The following MTREX variants were observed in gnomAD, a reference collection of about 807,000 sequenced individuals.
The protein encoded by MTREX is Mtr4 exosome RNA helicase, also known as exosome RNA helicase MTR4.
Under a neutral mutation model 135.4 loss-of-function variants are expected in MTREX, and 76 were observed. The observed-to-expected ratio is 0.56, with a 90% confidence interval of 0.47 to 0.68. The LOEUF (loss-of-function observed/expected upper bound fraction) is 0.68, where lower values mean the gene tolerates loss of function less well. Among genes scored for constraint, MTREX ranks in the 30% least tolerant of loss-of-function variants. The pLI is 0.00. For synonymous variants in MTREX, 404 were observed against 401.6 expected, an observed-to-expected ratio of 1.01 and a Z score of -0.07; for missense variants, 920 against 1,262.1, an observed-to-expected ratio of 0.73 and a Z score of 4.11.
At chr5:55,312,711 C>T (rs1021156784) in intron 1 of MTREX, among the ~76,000 whole-genome samples, 1 of 152,058 alleles carries the variant, frequency 6.6e-6, no homozygotes, top group Non-Finnish European at 1.5e-5. Context: ...TTGTTTATAC[C>T]TCCATCTGTT....
chr5:55,333,781 T>C (rs141965845), intron 5 of MTREX, among the ~76,000 whole-genome samples: 1 of 152,262 alleles, frequency 6.6e-6, no homozygotes, highest in Non-Finnish European at 1.5e-5. Context: ...TAGAATGTTA[T>C]AATGTAGAAT....
At chr5:55,351,832 A>T (rs990243548) in intron 13 of MTREX, among the ~76,000 whole-genome samples, 1 of 151,216 alleles carries the variant, frequency 6.6e-6, no homozygotes, top group Admixed American at 6.6e-5. Context: ...AAGTCTATAT[A>T]TGACTCATAC....
chr5:55,353,807 G>A lies in MTREX; in HGVS notation c.1533+538G>A, dbSNP rs1197662942. 2.6e-5 allele frequency among the ~76,000 whole-genome samples: 4 copies of A among 152,290 alleles called. No homozygotes were observed. In the South Asian group the frequency reaches 6.2e-4, roughly 24 times the overall value. Reference sequence around the variant, plus strand: ...AAAAAAAGAGATTCCTTTAAGTGAAGGAGTTTGATGATAGGAGGTTAAGTG... The same window carrying A: ...AAAAAAAGAGATTCCTTTAAGTGAAAGAGTTTGATGATAGGAGGTTAAGTG... On this transcript the variant is annotated intron_variant, in intron 14 of 26. Coordinates refer to ENST00000230640, the MANE Select transcript of MTREX (RefSeq NM_015360.5).
rs138080737 is a variant in MTREX at position 55,401,673 on chromosome 5, C to T, written c.2481+1252C>T. ...CATGTGTTATTGTCTGTGGTTTTTG[C>T]TGTAGCCATCTTAATAGCGTCAAAT... On this transcript the variant is annotated intron_variant, in intron 21 of 26. Coordinates refer to ENST00000230640, the MANE Select transcript of MTREX (RefSeq NM_015360.5). Among the ~76,000 whole-genome samples, 72 of 152,310 alleles carry T rather than the reference C, an allele frequency of 4.7e-4. No individual in the cohort carries two copies. In the East Asian group the frequency reaches 0.011, roughly 23 times the overall value.
chr5:55,401,927 C>G (rs1350338374), intron 21 of MTREX, among the ~76,000 whole-genome samples: 1 of 152,092 alleles, frequency 6.6e-6, no homozygotes, highest in Admixed American at 6.5e-5. Context: ...TCACATACCA[C>G]TTTTATCAAT....
intron 22 of MTREX, among the ~76,000 whole-genome samples, chr5:55,407,544 A>G (rs964593081): frequency 6.6e-5 from 10 of 152,190 alleles, no homozygotes; most frequent in African/African-American, 2.4e-4. Context: ...TAACAATATT[A>G]TATCAAAGTT....
Position 55,369,053 on chromosome 5 carries a change from G to C in MTREX, c.1810+2178G>C, listed in dbSNP as rs556870140. Among the ~76,000 whole-genome samples, 148 of 151,888 alleles carry C rather than the reference G, an allele frequency of 9.7e-4. 1 individual carries two copies. The highest frequency in any genetic ancestry group is 3.3e-3 in the African/African-American group (137 of 41,454). ...AGAAAAGTATGATTCTAGTCTCAGA[G>C]AAGTGTATTTTTAAAAGAGCTATAA... On this transcript the variant is annotated intron_variant, in intron 16 of 26. Transcript: ENST00000230640.
intron 21 of MTREX, among the ~76,000 whole-genome samples, chr5:55,402,729 CT>C (rs920173971): frequency 8.0e-4 from 117 of 146,858 alleles, no homozygotes; most frequent in African/African-American, 2.4e-3. Context: ...TTATAGTGGT[CT>C]TTTTTTTTTC....
At position 55,353,380 on chromosome 5, in the gene MTREX, C is replaced by A. The variant is rs886145177; in HGVS notation, c.1533+111C>A. ...GTCCCACCTACTTAAGAACTTGAAC[C>A]TGAGCTAATACAGTTTCATCAAGGT... On this transcript the variant is annotated intron_variant, in intron 14 of 26. Coordinates refer to ENST00000230640, the MANE Select transcript of MTREX (RefSeq NM_015360.5). 5 of 640,410 alleles carry A rather than the reference C, an allele frequency of 7.8e-6. No homozygotes were observed. The African/African-American group carries it at 9.5e-5, about 12-fold the overall frequency. The allele number at this position is 640,410 out of a possible 1,614,324, so 39.7% of individuals were successfully genotyped here.
At chr5:55,326,518 C>A (rs1749380911) in intron 3 of MTREX, among the ~76,000 whole-genome samples, 1 of 152,160 alleles carries the variant, frequency 6.6e-6, no homozygotes, top group South Asian at 2.1e-4. Flanking sequence ...TTCCCACTTT[C>A]TCAGCAGGGT....
At chr5:55,317,900 G>A (rs1749224287) in intron 1 of MTREX, among the ~76,000 whole-genome samples, 1 of 152,012 alleles carries the variant, frequency 6.6e-6, no homozygotes, top group Admixed American at 6.5e-5. Context: ...CTAATATGCA[G>A]CATTTATAAG....
intron 6 of MTREX, 101 bp from the exon 7 acceptor site, chr5:55,341,580 A>G: frequency 1.8e-6 from 1 of 559,612 alleles, no homozygotes; most frequent in Non-Finnish European, 3.1e-6. Flanking sequence ...TCCATTTAAT[A>G]AAGAATATCC....
chr5:55,391,839 A>G (rs1350287426), intron 19 of MTREX, among the ~76,000 whole-genome samples: 1 of 152,122 alleles, frequency 6.6e-6, no homozygotes, highest in Non-Finnish European at 1.5e-5. Flanking sequence ...CCATATATTG[A>G]TTTATAACTG....
intron 14 of MTREX, among the ~76,000 whole-genome samples, chr5:55,354,682 C>G (rs561793775): frequency 1.1e-4 from 16 of 152,294 alleles, no homozygotes; most frequent in African/African-American, 3.9e-4. Flanking sequence ...CAAGGCTGCC[C>G]CTGGGAAAAG....
intron 22 of MTREX, among the ~76,000 whole-genome samples, chr5:55,406,776 A>C (rs1750815304): frequency 6.6e-6 from 1 of 152,210 alleles, no homozygotes; most frequent in South Asian, 2.1e-4. Context: ...TTGAAATTGA[A>C]ATTTCCACGT....
intron 15 of MTREX, among the ~76,000 whole-genome samples, chr5:55,366,416 A>C (rs1277653901): frequency 6.6e-6 from 1 of 152,156 alleles, no homozygotes; most frequent in Non-Finnish European, 1.5e-5. Flanking sequence ...CTCGAGCCCA[A>C]GATTTCAAGG....
In MTREX at chr5:55,425,170, A is replaced by AAAC; in HGVS notation, c.*400_*402dup. ...CTTGTGGCAATCATTTTCCTTTAGA[A>AAAC]AACAGGCCAGCTTCACCTGGGCACC... is the stretch of plus-strand genomic sequence containing the variant. On this transcript the variant is annotated 3_prime_UTR_variant, in exon 27 of 27. Coordinates refer to ENST00000230640, the MANE Select transcript of MTREX (RefSeq NM_015360.5). The AAAC allele has an allele frequency of 1.3e-6, 2 of 1,592,684 alleles. No individual in the cohort carries two copies. The highest frequency in any genetic ancestry group is 1.7e-6 in the Non-Finnish European group (2 of 1,173,526).
chr5:55,309,958 AAAT>A (rs1336217531), intron 1 of MTREX, among the ~76,000 whole-genome samples: 1 of 152,222 alleles, frequency 6.6e-6, no homozygotes, highest in African/African-American at 2.4e-5. Flanking sequence ...TTTTCAGAGA[AAAT>A]AAGAAAGGAG....
chr5:55,398,260 A>AAAAAAC (rs1750675269), intron 20 of MTREX, among the ~76,000 whole-genome samples: 1 of 149,544 alleles, frequency 6.7e-6, no homozygotes, highest in Non-Finnish European at 1.5e-5. Context: ...AAAAAAAAAA[A>AAAAAAC]ACAAGGAAGT....
Sources: gnomAD v4.1 joint callset for allele counts (sites outside exome capture counted in the v4.1 genomes callset) on GRCh38, gnomAD v4.1.1 for gene constraint, MANE v1.5 for transcripts, NCBI Gene and HGNC (gene_info 2026-07-23, HGNC 2026-07-21) for gene names.